Variants in CEP135 observed in about 807,000 individuals in gnomAD.
The protein encoded by CEP135 is centrosomal protein of 135 kDa.
A neutral mutation model predicts 157.3 loss-of-function variants in CEP135; 142 were observed. That is an observed-to-expected ratio of 0.90 (90% CI 0.79 to 1.04). The LOEUF is 1.04. CEP135 is among the 50% of genes least tolerant of loss of function. CEP135 has a pLI of 0.00. For missense variants in CEP135, 1,317 were observed against 1,309.2 expected (o/e 1.01, Z -0.09); for synonymous variants, 396 against 439.8 (o/e 0.90, Z 1.25).
At chr4:56,009,944 C>G in intron 19 of CEP135, 41 bp downstream of exon 19, 1 of 1,546,500 alleles carries the variant, frequency 6.5e-7, no homozygotes, top group Non-Finnish European at 8.8e-7. Context: ...TTTATACTTT[C>G]CATTGTTTGC....
intron 4 of CEP135, among the ~76,000 whole-genome samples, chr4:55,955,433 G>A (rs887179048): frequency 6.6e-6 from 1 of 152,212 alleles, no homozygotes; most frequent in East Asian, 1.9e-4. Flanking sequence ...AGACTCCTGA[G>A]AGTGGACAGA....
chr4:55,959,888 C>A, intron 6 of CEP135, 122 bp downstream of exon 6: 1 of 820,926 alleles, frequency 1.2e-6, no homozygotes, highest in Non-Finnish European at 2.0e-6. Context: ...TCTTTTTCAT[C>A]AGGTTTGTTA....
intron 15 of CEP135, among the ~76,000 whole-genome samples, chr4:55,992,987 C>G (rs770877955): frequency 6.6e-6 from 1 of 152,020 alleles, no homozygotes; most frequent in South Asian, 2.1e-4. Flanking sequence ...CAGTCAGAAT[C>G]AGGAAAAGAT....
At chr4:56,013,218 T>A (rs1730653039) in intron 21 of CEP135, among the ~76,000 whole-genome samples, 1 of 152,232 alleles carries the variant, frequency 6.6e-6, no homozygotes, top group Non-Finnish European at 1.5e-5. Flanking sequence ...TCAAATCCTT[T>A]GTTCATTTTT....
intron 15 of CEP135, among the ~76,000 whole-genome samples, chr4:55,996,347 C>G (rs1729969773): frequency 6.6e-6 from 1 of 152,134 alleles, no homozygotes; most frequent in African/African-American, 2.4e-5. Flanking sequence ...TTCTTGAGCT[C>G]CTGGGCTCAA....
At chr4:55,990,274 T>A (rs1390055022) in intron 14 of CEP135, among the ~76,000 whole-genome samples, 1 of 152,192 alleles carries the variant, frequency 6.6e-6, no homozygotes, top group East Asian at 1.9e-4. Flanking sequence ...CTGTGTATTC[T>A]TATTCCTTTA....
Position 55,992,044 on chromosome 4 carries a change from T to A in CEP135, c.1968T>A (p.Ala656=), listed in dbSNP as rs748857267. The change falls in exon 15 of 26, where the codon GCT becomes GCA. Residue 656 remains alanine (A), a synonymous_variant. Coordinates refer to ENST00000257287, the MANE Select transcript of CEP135 (RefSeq NM_025009.5). ...AAGCTCAAAAATTTAGCCATGTGGC[T>A]GGTGACTCATCTCATCAGAAAACAG... is the stretch of plus-strand genomic sequence containing the variant. The part of the protein sequence containing the change: ...KVQAQKFSHV[A]GDSSHQKTEV... 2.9e-5 allele frequency: 47 copies of A among 1,607,986 alleles called. No homozygotes were observed. The highest frequency in any genetic ancestry group is 3.7e-5 in the Non-Finnish European group (44 of 1,178,302).
intron 14 of CEP135, among the ~76,000 whole-genome samples, chr4:55,987,575 C>T (rs761855252): frequency 8.5e-5 from 13 of 152,132 alleles, no homozygotes; most frequent in African/African-American, 1.7e-4. Flanking sequence ...CAGGGGTCAC[C>T]GGTCATCATT....
intron 17 of CEP135, among the ~76,000 whole-genome samples, chr4:56,003,301 G>A (rs1357676043): frequency 1.3e-5 from 2 of 152,076 alleles, no homozygotes; most frequent in African/African-American, 2.4e-5. Context: ...CGCCTCCCGG[G>A]TTCACGCCAT....
At chr4:55,968,920 C>T (rs932389230) in intron 8 of CEP135, 143 bp from the exon 9 acceptor site, 11 of 499,626 alleles carry the variant, frequency 2.2e-5, no homozygotes, top group East Asian at 2.1e-4. Flanking sequence ...TTTGCCTCTT[C>T]GTTGAAATTG....
At chr4:55,977,028 C>T (rs1244066444) in intron 11 of CEP135, among the ~76,000 whole-genome samples, 1 of 151,168 alleles carries the variant, frequency 6.6e-6, no homozygotes, top group Middle Eastern at 3.4e-3. Context: ...TTCCATGTTG[C>T]CCAGGCTGGT....
chr4:55,994,101 G>A (rs752783929), intron 15 of CEP135, among the ~76,000 whole-genome samples: 42 of 152,084 alleles, frequency 2.8e-4, no homozygotes, highest in African/African-American at 4.6e-4. Flanking sequence ...AGTCTAAAGC[G>A]AAACCAAATA....
At chr4:55,992,129 T>C in intron 15 of CEP135, 44 bp downstream of exon 15, 1 of 1,556,742 alleles carries the variant, frequency 6.4e-7, no homozygotes, top group Non-Finnish European at 8.7e-7. Flanking sequence ...TGGGAATGTG[T>C]TTGTGGTTAT....
chr4:55,989,481 C>T (rs570179957), intron 14 of CEP135, among the ~76,000 whole-genome samples: 9 of 152,228 alleles, frequency 5.9e-5, no homozygotes, highest in African/African-American at 1.7e-4. Context: ...TGCCCCTAAA[C>T]AAGACACAAA....
intron 9 of CEP135, among the ~76,000 whole-genome samples, chr4:55,969,430 A>T (rs1466971003): frequency 6.5e-4 from 27 of 41,428 alleles, no homozygotes; most frequent in African/African-American, 3.0e-3. Context: ...TCCATCTTTA[A>T]AAAAAAAAAA....
rs936018302 is a variant in CEP135, at chr4:55,999,728, T to C, written c.2280+83T>C. 1.1e-4 allele frequency: 159 copies of C among 1,394,848 alleles called. 1 individual carries two copies. The highest frequency in any genetic ancestry group is 1.4e-4 in the Non-Finnish European group (144 of 1,022,034). The allele number at this position is 1,394,848 out of a possible 1,614,324, so 86.4% of individuals were successfully genotyped here. On this transcript the variant is annotated intron_variant, in intron 17 of 25. Coordinates refer to ENST00000257287, the MANE Select transcript of CEP135 (RefSeq NM_025009.5). ...TTGTTTTTGAGATGGGGTCTCACTC[T>C]GTCACTCAGGCTGGAGTGCAGTGGC...
chr4:55,958,641 C>G (rs190285791), intron 5 of CEP135, among the ~76,000 whole-genome samples: 1 of 152,204 alleles, frequency 6.6e-6, no homozygotes, highest in Non-Finnish European at 1.5e-5. Context: ...TGTTTGTATT[C>G]AGAGTCATTC....
chr4:56,033,088 A>T lies in CEP135; in HGVS notation c.*1740A>T, dbSNP rs990081002. On this transcript the variant is annotated 3_prime_UTR_variant, in exon 26 of 26. Transcript: ENST00000257287. The stretch of plus-strand genomic sequence containing the variant: ...ATACCATATGGAAATCTTTTAATAA[A>T]TATATGTAAATAAAATAAAAAATAT... 2.0e-5 allele frequency: 3 copies of T among 152,118 alleles called. No individual in the cohort carries two copies. Among genetic ancestry groups the T allele is most frequent in the African/African-American group, 7.2e-5 (3 of 41,450 alleles). The allele number at this position is 152,118 out of a possible 1,614,324, so 9.4% of individuals were successfully genotyped here.
intron 18 of CEP135, 145 bp downstream of exon 18, chr4:56,008,527 C>T (rs1431389270): frequency 1.6e-6 from 1 of 640,288 alleles, no homozygotes; most frequent in Non-Finnish European, 2.7e-6. Context: ...TTCTCAGTCT[C>T]CAGCTTGAAA....
Sources: gnomAD v4.1 joint callset for allele counts (sites outside exome capture counted in the v4.1 genomes callset) on GRCh38, gnomAD v4.1.1 for gene constraint, MANE v1.5 for transcripts, NCBI Gene and HGNC (gene_info 2026-07-23, HGNC 2026-07-21) for gene names.